Variants in SNTG1 observed in about 807,000 individuals in gnomAD.
SNTG1 encodes the protein gamma-1-syntrophin.
A neutral mutation model predicts 74.7 loss-of-function variants in SNTG1; 39 were observed. The observed-to-expected ratio is 0.52, with a 90% CI of 0.40 to 0.68. SNTG1 has a LOEUF of 0.68. Among genes scored for constraint, SNTG1 ranks in the 30% least tolerant of loss-of-function variants. SNTG1 has a pLI of 0.00. For synonymous variants in SNTG1, 254 were observed against 217.1 expected (o/e 1.17, Z -1.49); for missense variants, 685 against 609.5 (o/e 1.12, Z -1.30).
chr8:50,738,132 G>A (rs7837544), intron 17 of SNTG1, among the ~76,000 whole-genome samples: 63,361 of 151,982 alleles, frequency 0.42, 15,693 homozygotes, highest in African/African-American at 0.7. Context: ...TCTCTTTGCA[G>A]ATGACATGAT....
chr8:50,090,636 C>G (rs553447846), intron 1 of SNTG1, among the ~76,000 whole-genome samples: 1 of 152,070 alleles, frequency 6.6e-6, no homozygotes, highest in African/African-American at 2.4e-5. Context: ...AACTTTGGAA[C>G]CCAGTGCTCC....
chr8:50,027,759 A>G (rs1481920147), intron 1 of SNTG1, among the ~76,000 whole-genome samples: 1 of 152,210 alleles, frequency 6.6e-6, no homozygotes. Flanking sequence ...AAGGACACTA[A>G]TGCTTCATCC....
At chr8:50,597,119 A>G (rs895785218) in intron 13 of SNTG1, among the ~76,000 whole-genome samples, 1 of 151,676 alleles carries the variant, frequency 6.6e-6, no homozygotes, top group Admixed American at 6.6e-5. Flanking sequence ...CTCTACTTGT[A>G]TGAGATCAAC....
intron 2 of SNTG1, among the ~76,000 whole-genome samples, chr8:50,353,842 A>T (rs2091740847): frequency 6.6e-6 from 1 of 152,366 alleles, no homozygotes; most frequent in African/African-American, 2.4e-5. Context: ...ACTGCAGGCC[A>T]TCCAGGAAGG....
At chr8:50,177,709 C>G (rs565100493) in intron 2 of SNTG1, among the ~76,000 whole-genome samples, 1 of 152,184 alleles carries the variant, frequency 6.6e-6, no homozygotes, top group Admixed American at 6.6e-5. Flanking sequence ...CTTAATTGAA[C>G]GCTTTGACCT....
intron 18 of SNTG1, among the ~76,000 whole-genome samples, chr8:50,763,512 C>T (rs73575091): frequency 0.097 from 14,741 of 151,370 alleles, 2,113 homozygotes; most frequent in African/African-American, 0.32. Context: ...CTCTTCTGGC[C>T]TCTCTTTTAT....
chr8:50,413,692 A>T (rs2092979145), intron 4 of SNTG1, among the ~76,000 whole-genome samples: 1 of 152,182 alleles, frequency 6.6e-6, no homozygotes, highest in Non-Finnish European at 1.5e-5. Context: ...TTCCTTCAGT[A>T]ACATTTGGAT....
At position 50,391,513 on chromosome 8, in the gene SNTG1, A is replaced by G. The variant is rs564110436; in HGVS notation, c.-27-2699A>G. Among the ~76,000 whole-genome samples, 306 of 152,132 alleles carry G rather than the reference A, an allele frequency of 2.0e-3. 3 individuals are homozygous for G. The highest frequency in any genetic ancestry group is 3.7e-3 in the South Asian group (18 of 4,814). ...GATTTTTGCATCAATGTTCATCAGG[A>G]GTATTGGTCTAAAATTCTCTTTTTT... On this transcript the variant is annotated intron_variant, in intron 2 of 18. Transcript: ENST00000642720.
At chr8:49,932,114 A>T (rs959512033) in intron 1 of SNTG1, among the ~76,000 whole-genome samples, 1 of 152,168 alleles carries the variant, frequency 6.6e-6, no homozygotes, top group Non-Finnish European at 1.5e-5. Flanking sequence ...CATTTCATGA[A>T]GCTTCAAATC....
At chr8:50,518,673 A>G (rs1385103671) in intron 9 of SNTG1, among the ~76,000 whole-genome samples, 1 of 152,246 alleles carries the variant, frequency 6.6e-6, no homozygotes, top group African/African-American at 2.4e-5. Flanking sequence ...AATACTATAA[A>G]CACCTCTATG....
At chr8:50,391,724 A>G (rs2092663917) in intron 2 of SNTG1, among the ~76,000 whole-genome samples, 1 of 152,120 alleles carries the variant, frequency 6.6e-6, no homozygotes, top group African/African-American at 2.4e-5. Context: ...TTGGTAGACT[A>G]TTAATTATTG....
intron 2 of SNTG1, among the ~76,000 whole-genome samples, chr8:50,224,690 G>A (rs1308163342): frequency 6.6e-6 from 1 of 152,132 alleles, no homozygotes; most frequent in Non-Finnish European, 1.5e-5. Flanking sequence ...ATGGATGGTT[G>A]AACATGCCTT....
intron 13 of SNTG1, among the ~76,000 whole-genome samples, chr8:50,606,685 A>G (rs868149544): frequency 8.6e-5 from 13 of 151,970 alleles, no homozygotes; most frequent in African/African-American, 3.1e-4. Flanking sequence ...TCAACATTAA[A>G]TATGTTAATA....
At chr8:50,661,506 T>A (rs1468373839) in intron 15 of SNTG1, among the ~76,000 whole-genome samples, 1 of 152,206 alleles carries the variant, frequency 6.6e-6, no homozygotes, top group African/African-American at 2.4e-5. Context: ...TTTAACTTTC[T>A]ATATACAATT....
intron 1 of SNTG1, among the ~76,000 whole-genome samples, chr8:50,097,875 C>T (rs1317556099): frequency 6.6e-6 from 1 of 152,086 alleles, no homozygotes; most frequent in Admixed American, 6.5e-5. Flanking sequence ...TGCTGTATTT[C>T]ATTCAAATTT....
At chr8:50,123,527 C>T (rs375587046) in intron 1 of SNTG1, among the ~76,000 whole-genome samples, 1 of 142,202 alleles carries the variant, frequency 7.0e-6, no homozygotes, top group South Asian at 2.6e-4. Context: ...ATTAAGAAAG[C>T]AAGAGTATGG....
chr8:49,979,123 G>A (rs1384058789), intron 1 of SNTG1, among the ~76,000 whole-genome samples: 1 of 152,244 alleles, frequency 6.6e-6, no homozygotes, highest in Non-Finnish European at 1.5e-5. Context: ...AGCGAATTTG[G>A]TAGTGTAACT....
intron 2 of SNTG1, among the ~76,000 whole-genome samples, chr8:50,255,549 G>A (rs2086842038): frequency 6.6e-6 from 1 of 152,170 alleles, no homozygotes; most frequent in African/African-American, 2.4e-5. Flanking sequence ...TTGTGAGCAA[G>A]AATCTGCTCT....
rs768083735 is a variant in SNTG1 at position 50,502,797 on chromosome 8, C to T, written c.383C>T (p.Ala128Val). 2.5e-6 allele frequency: 4 copies of T among 1,612,122 alleles called. No homozygotes were observed. The highest frequency in any genetic ancestry group is 3.4e-6 in the Non-Finnish European group (4 of 1,178,918). The stretch of plus-strand genomic sequence containing the variant: ...TTTCAGGTTCAGGTTCTTCGGAATG[C>T]TGGAGAAGAAGTGACTCTAACAGTG... Reference protein sequence around the residue: ...HEEVVQVLRNAGEEVTLTVSF... With the variant: ...HEEVVQVLRNVGEEVTLTVSF... Residue 128 changes from alanine to valine, a missense_variant, in exon 9 of 19, where the codon GCT (alanine) becomes GTT (valine). By Grantham distance (64) the Ala-to-Val change is moderately conservative. Coordinates refer to ENST00000642720, the MANE Select transcript of SNTG1 (RefSeq NM_018967.5).
Sources: gnomAD v4.1 joint callset for allele counts (sites outside exome capture counted in the v4.1 genomes callset) on GRCh38, gnomAD v4.1.1 for gene constraint, MANE v1.5 for transcripts, NCBI Gene and HGNC (gene_info 2026-07-23, HGNC 2026-07-21) for gene names.